Variants in PPP2R2C observed in about 807,000 individuals in gnomAD.
PPP2R2C encodes protein phosphatase 2, regulatory subunit B, gamma.
Under a neutral mutation model 45.3 loss-of-function variants are expected in PPP2R2C, and 10 were observed. The observed-to-expected ratio is 0.22, with a 90% CI of 0.14 to 0.37. The LOEUF is 0.37. Among genes scored for constraint, PPP2R2C ranks in the 10% least tolerant of loss-of-function variants. The probability of loss-of-function intolerance (pLI) is 1.00; values close to 1 mark genes in which losing one functional copy is unlikely to be tolerated. For synonymous variants in PPP2R2C, 257 were observed against 245.4 expected (o/e 1.05, Z -0.44); for missense variants, 308 against 619.7 (o/e 0.50, Z 5.34).
At chr4:6,508,281 C>A (rs1005246556) in intron 2 of PPP2R2C, among the ~76,000 whole-genome samples, 4 of 152,094 alleles carry the variant, frequency 2.6e-5, no homozygotes, top group African/African-American at 9.7e-5. Flanking sequence ...AGGCAGTCTC[C>A]CAATAGAAAC....
At position 6,381,210 on chromosome 4, in the gene PPP2R2C, G is replaced by T. The variant is rs778914747; in HGVS notation, c.71-116C>A. ...CGCTCCCCGAGGCCCCACAGCCCTG[G>T]GCAGGAGGCAGCAGGGAGCCTGAGG... On this transcript the variant is annotated intron_variant, in intron 1 of 8. Transcript: ENST00000382599. 7.8e-6 allele frequency: 12 copies of T among 1,542,154 alleles called. No individual in the cohort carries two copies. In the East Asian group the frequency reaches 2.4e-4, roughly 31 times the overall value.
rs549244977 is a variant in PPP2R2C at position 6,556,144 on chromosome 4, G to A, written c.-59+7416C>T. 1.1e-4 allele frequency among the ~76,000 whole-genome samples: 17 copies of A among 152,246 alleles called. No homozygotes were observed. In the South Asian group the frequency reaches 1.2e-3, roughly 11 times the overall value. On this transcript the variant is annotated intron_variant, in intron 1 of 9. Transcript: ENST00000506140. ...GGTTCATTCCATGTGTCAACTTGACGGGGCCACGGGATGCCCAGATATCAT... is the reference window on the plus strand; with the variant it reads ...GGTTCATTCCATGTGTCAACTTGACAGGGCCACGGGATGCCCAGATATCAT...
At chr4:6,422,939 C>T (rs73206179) in intron 1 of PPP2R2C, among the ~76,000 whole-genome samples, 32,174 of 152,120 alleles carry the variant, frequency 0.21, 4,410 homozygotes, top group Admixed American at 0.39. Flanking sequence ...GAGCACCTGC[C>T]AAGTGCCAGC....
intron 5 of PPP2R2C, among the ~76,000 whole-genome samples, chr4:6,371,626 C>T (rs1714834315): frequency 6.6e-6 from 1 of 152,184 alleles, no homozygotes; most frequent in African/African-American, 2.4e-5. Flanking sequence ...GCCTGGGTTT[C>T]AGGCCCAGCT....
chr4:6,352,371 G>A (rs1394894141), intron 5 of PPP2R2C, among the ~76,000 whole-genome samples: 1 of 152,174 alleles, frequency 6.6e-6, no homozygotes, highest in Non-Finnish European at 1.5e-5. Flanking sequence ...CCCCACCCCA[G>A]CTTCATGATA....
At chr4:6,385,679 C>T (rs1716159183) in intron 1 of PPP2R2C, among the ~76,000 whole-genome samples, 3 of 152,124 alleles carry the variant, frequency 2.0e-5, no homozygotes, top group Admixed American at 6.5e-5. Context: ...AAGTGATTCT[C>T]GTGCCTCAGC....
intron 5 of PPP2R2C, chr4:6,350,848 C>T (rs1490135614): frequency 7.6e-5 from 75 of 985,290 alleles, no homozygotes; most frequent in Non-Finnish European, 8.3e-5. Flanking sequence ...CAGCCTGTGA[C>T]GGCCACACTT....
At chr4:6,436,936 G>A (rs1024249496) in intron 1 of PPP2R2C, among the ~76,000 whole-genome samples, 13 of 152,108 alleles carry the variant, frequency 8.5e-5, no homozygotes, top group African/African-American at 2.9e-4. Context: ...GTTCACAGAT[G>A]GGCTTTGACC....
intron 1 of PPP2R2C, among the ~76,000 whole-genome samples, chr4:6,549,982 G>C (rs765918132): frequency 2.0e-5 from 3 of 152,172 alleles, no homozygotes; most frequent in Non-Finnish European, 4.4e-5. Context: ...TGCCAATAAA[G>C]GTCTGGCAGC....
chr4:6,537,277 A>T (rs1257263618), intron 1 of PPP2R2C, among the ~76,000 whole-genome samples: 1 of 152,162 alleles, frequency 6.6e-6, no homozygotes, highest in East Asian at 1.9e-4. Context: ...AACAAAGGAC[A>T]CACACATAAA....
At chr4:6,339,263 G>A (rs28491260) in intron 6 of PPP2R2C, among the ~76,000 whole-genome samples, 49,489 of 152,168 alleles carry the variant, frequency 0.33, 8,361 homozygotes, top group Non-Finnish European at 0.35. Context: ...CCTTGGGCCA[G>A]GGGTCCTGCC....
intron 5 of PPP2R2C, chr4:6,348,918 A>G: frequency 1.2e-6 from 1 of 839,966 alleles, no homozygotes; most frequent in Non-Finnish European, 1.4e-6. Context: ...CAAAGGCAGT[A>G]TCCCTGACTG....
chr4:6,413,770 G>A (rs1577161703), intron 1 of PPP2R2C: 1 of 1,187,664 alleles, frequency 8.4e-7, no homozygotes, highest in South Asian at 1.5e-5. Context: ...TGGGGTCACT[G>A]AGACTCTGAG....
chr4:6,396,155 T>C (rs1299235811), intron 1 of PPP2R2C, among the ~76,000 whole-genome samples: 1 of 152,164 alleles, frequency 6.6e-6, no homozygotes, highest in African/African-American at 2.4e-5. Context: ...AGGGTTGAAC[T>C]TGTACTCCAC....
At chr4:6,335,406 A>G (rs930981952) in intron 6 of PPP2R2C, among the ~76,000 whole-genome samples, 7 of 151,904 alleles carry the variant, frequency 4.6e-5, no homozygotes, top group African/African-American at 1.5e-4. Context: ...GGCAGAAGGG[A>G]CGGCACACGC....
chr4:6,558,038 T>A (rs530163841), intron 1 of PPP2R2C, among the ~76,000 whole-genome samples: 12 of 151,042 alleles, frequency 7.9e-5, no homozygotes, highest in African/African-American at 2.7e-4. Flanking sequence ...TCAGCACCCA[T>A]CCTCTTAAAG....
chr4:6,554,368 C>G (rs902835346), intron 1 of PPP2R2C, among the ~76,000 whole-genome samples: 1 of 152,162 alleles, frequency 6.6e-6, no homozygotes, highest in East Asian at 1.9e-4. Flanking sequence ...GGGTACAGGA[C>G]AGATTCCCCC....
Position 6,467,189 on chromosome 4 carries a change from C to T in PPP2R2C, c.70+4971G>A, listed in dbSNP as rs888682771. ...AGGAACACAGAATCTGAACAGTCCA[C>T]ATCTTGATTTTCAAAAGTCAAAGGC... On this transcript the variant is annotated intron_variant, in intron 1 of 8. Coordinates refer to ENST00000382599, the MANE Select transcript of PPP2R2C (RefSeq NM_020416.4). Among the ~76,000 whole-genome samples, 8 of 152,318 alleles carry T rather than the reference C, an allele frequency of 5.3e-5. 1 individual carries two copies. The South Asian group carries it at 1.7e-3, about 32-fold the overall frequency.
intron 2 of PPP2R2C, among the ~76,000 whole-genome samples, chr4:6,494,471 A>G (rs1398460694): frequency 6.6e-6 from 1 of 152,224 alleles, no homozygotes. Flanking sequence ...CTTGCATCCT[A>G]CTGGGGCAAG....
Sources: allele counts gnomAD v4.1 joint callset (sites outside exome capture counted in the v4.1 genomes callset), GRCh38; gene constraint gnomAD v4.1.1; transcripts MANE v1.5; gene names NCBI Gene and HGNC (gene_info 2026-07-23, HGNC 2026-07-21).